Variants in ZC3H12B observed in about 807,000 individuals in gnomAD.
ZC3H12B encodes probable ribonuclease ZC3H12B.
A neutral mutation model predicts 43.9 loss-of-function variants in ZC3H12B; 7 were observed. The observed-to-expected ratio is 0.16, with a 90% confidence interval of 0.09 to 0.30. The LOEUF (loss-of-function observed/expected upper bound fraction) is 0.30, where lower values mean the gene tolerates loss of function less well. Ranked by LOEUF, ZC3H12B falls within the 10% of genes least tolerant of loss-of-function variation. The pLI is 1.00. For synonymous variants in ZC3H12B, 222 were observed against 241.7 expected, an observed-to-expected ratio of 0.92 and a Z score of 0.76; for missense variants, 475 against 670.2, an observed-to-expected ratio of 0.71 and a Z score of 3.22.
At chrX:65,417,187 A>G (rs773855140) in intron 3 of ZC3H12B, among the ~76,000 whole-genome samples, 16 of 111,866 alleles carry the variant, frequency 1.4e-4, no homozygotes, top group Non-Finnish European at 2.8e-4. Context: ...GATAATACCT[A>G]TGTACAGGGT....
the ZC3H12B span, among the ~76,000 whole-genome samples, chrX:65,193,601 G>T: frequency 9.0e-6 from 1 of 110,906 alleles, no homozygotes; most frequent in African/African-American, 3.3e-5. Context: ...TCGATCTTTT[G>T]TGTTGTTGAT....
At chrX:65,221,342 T>G in the ZC3H12B span, among the ~76,000 whole-genome samples, 1 of 111,005 alleles carries the variant, frequency 9.0e-6, no homozygotes, top group African/African-American at 3.3e-5. Context: ...TAGTTAAGAT[T>G]AGAGCCGAAC....
chrX:65,310,270 A>G, the ZC3H12B span, among the ~76,000 whole-genome samples: 1 of 111,906 alleles, frequency 8.9e-6, no homozygotes, highest in African/African-American at 3.3e-5. Flanking sequence ...TCAGCCCAAA[A>G]TCTCCTGAAA....
the ZC3H12B span, among the ~76,000 whole-genome samples, chrX:65,157,198 C>A: frequency 1.8e-5 from 2 of 111,320 alleles, no homozygotes; most frequent in South Asian, 7.6e-4. Flanking sequence ...CCAGGCTGGT[C>A]TCAGACTTCT....
rs190759828 is a variant in ZC3H12B, at chrX:65,449,978, G to T, written n.408-38668G>T. On this transcript the variant is annotated intron_variant and non_coding_transcript_variant, in intron 3 of 5. Coordinates refer to the ZC3H12B transcript ENST00000617377. ...ATACAATTCATTCATGTAACCAAAAGCCACTTGTACCCCAAAAGCTATTGA... is the reference window on the plus strand; with the variant it reads ...ATACAATTCATTCATGTAACCAAAATCCACTTGTACCCCAAAAGCTATTGA... 7.2e-5 allele frequency among the ~76,000 whole-genome samples: 8 copies of T among 110,946 alleles called. No homozygotes were observed. In the East Asian group the frequency reaches 1.4e-3, roughly 20 times the overall value.
chrX:65,149,606 C>CA, the ZC3H12B span, among the ~76,000 whole-genome samples: 247 of 107,400 alleles, frequency 2.3e-3, 1 homozygote, highest in African/African-American at 6.8e-3. Context: ...ACTAAAAATA[C>CA]AAAAAAAATT....
chrX:65,127,745 T>G, the ZC3H12B span, among the ~76,000 whole-genome samples: 5 of 110,944 alleles, frequency 4.5e-5, no homozygotes, highest in Non-Finnish European at 9.4e-5. Context: ...ACTGAAGTTA[T>G]ATTCCCAGGG....
At chrX:65,302,126 G>A in the ZC3H12B span, among the ~76,000 whole-genome samples, 1 of 111,305 alleles carries the variant, frequency 9.0e-6, no homozygotes, top group African/African-American at 3.3e-5. Context: ...AGACAAGAAT[G>A]TCCTTGGTAA....
At chrX:65,329,830 G>C in the ZC3H12B span, among the ~76,000 whole-genome samples, 30 of 111,075 alleles carry the variant, frequency 2.7e-4, no homozygotes, top group Non-Finnish European at 4.2e-4. Context: ...GCTTGTTTTT[G>C]TCAGGTTTGT....
At chrX:65,352,309 C>T in the ZC3H12B span, among the ~76,000 whole-genome samples, 1 of 110,901 alleles carries the variant, frequency 9.0e-6, no homozygotes, top group Non-Finnish European at 1.9e-5. Context: ...CACACCAGGG[C>T]CTGTCCCGGG....
the ZC3H12B span, among the ~76,000 whole-genome samples, chrX:65,307,626 A>G: frequency 2.0e-4 from 22 of 111,960 alleles, no homozygotes; most frequent in African/African-American, 5.8e-4. Context: ...AAAAATGACC[A>G]GACCCTTAAT....
intron 2 of ZC3H12B, among the ~76,000 whole-genome samples, chrX:65,383,098 A>G (rs2066467095): frequency 9.0e-6 from 1 of 111,599 alleles, no homozygotes; most frequent in African/African-American, 3.3e-5. Context: ...AATTGGAAAA[A>G]TCTACTTTAA....
intron 3 of ZC3H12B, among the ~76,000 whole-genome samples, chrX:65,431,561 C>T (rs761009690): frequency 6.2e-5 from 7 of 112,301 alleles, no homozygotes; most frequent in African/African-American, 1.9e-4. Flanking sequence ...GTGAAAGATG[C>T]TGATGGATAT....
the ZC3H12B span, among the ~76,000 whole-genome samples, chrX:65,218,429 C>T: frequency 8.9e-6 from 1 of 112,004 alleles, no homozygotes; most frequent in Non-Finnish European, 1.9e-5. Flanking sequence ...AGTTCTCAGC[C>T]CTGCTCACTG....
the ZC3H12B span, among the ~76,000 whole-genome samples, chrX:65,070,510 T>G: frequency 2.8e-4 from 31 of 111,396 alleles, no homozygotes; most frequent in African/African-American, 9.5e-4. Context: ...TCTGTAGTTC[T>G]TGTAATTGTG....
At chrX:65,502,880 G>T in exon 5 of ZC3H12B, 4 of 1,211,621 alleles carry the variant, frequency 3.3e-6, no homozygotes, top group Non-Finnish European at 4.5e-6. Context: ...GGAACAGCAT[G>T]CCAGCTGGGA....
chrX:65,099,125 G>A, the ZC3H12B span, among the ~76,000 whole-genome samples: 1 of 111,786 alleles, frequency 8.9e-6, no homozygotes, highest in Admixed American at 9.5e-5. Flanking sequence ...ACTAAACACA[G>A]TGAGGCAAAG....
chrX:65,479,973 A>C (rs1300333098), intron 3 of ZC3H12B, among the ~76,000 whole-genome samples: 1 of 112,419 alleles, frequency 8.9e-6, no homozygotes, highest in Non-Finnish European at 1.9e-5. Flanking sequence ...TTACAAAGTT[A>C]TTTACTTGGC....
chrX:65,313,333 T>C, the ZC3H12B span, among the ~76,000 whole-genome samples: 7 of 112,267 alleles, frequency 6.2e-5, no homozygotes, highest in African/African-American at 2.3e-4. Context: ...TATTTTTAAG[T>C]CAAATATCAG....
Sources: allele counts gnomAD v4.1 joint callset (sites outside exome capture counted in the v4.1 genomes callset), GRCh38; gene constraint gnomAD v4.1.1; transcripts MANE v1.5; gene names NCBI Gene and HGNC (gene_info 2026-07-23, HGNC 2026-07-21).